SOX5: variants seen among roughly 807,000 people sequenced by gnomAD.
SOX5 encodes transcription factor SOX-5.
In SOX5, 9 loss-of-function variants were observed where a neutral mutation model predicts 92.0. The ratio of observed to expected loss-of-function variants is 0.10; its 90% confidence interval spans 0.06 to 0.17. The LOEUF (loss-of-function observed/expected upper bound fraction) is 0.17, where lower values mean the gene tolerates loss of function less well. Among genes scored for constraint, SOX5 ranks in the 10% least tolerant of loss-of-function variants. The probability of loss-of-function intolerance (pLI) is 1.00; values close to 1 mark genes in which losing one functional copy is unlikely to be tolerated. For missense variants in SOX5, 642 were observed against 944.5 expected (o/e 0.68, Z 4.20); for synonymous variants, 344 against 336.3 (o/e 1.02, Z -0.25).
chr12:23,849,777 T>A (rs1031720783), intron 2 of SOX5, among the ~76,000 whole-genome samples: 1 of 152,162 alleles, frequency 6.6e-6, no homozygotes, highest in Admixed American at 6.6e-5. Context: ...TGTCATATTT[T>A]TTAAAATAAA....
chr12:23,869,862 C>T (rs543775348), intron 2 of SOX5, among the ~76,000 whole-genome samples: 1 of 152,204 alleles, frequency 6.6e-6, no homozygotes, highest in East Asian at 1.9e-4. Flanking sequence ...CTGTAATACT[C>T]CCCACAATAT....
intron 2 of SOX5, among the ~76,000 whole-genome samples, chr12:23,852,936 G>T (rs1185081943): frequency 1.3e-5 from 2 of 151,916 alleles, no homozygotes; most frequent in East Asian, 3.9e-4. Context: ...AAGAGCTAAG[G>T]AGAGAAAAAG....
chr12:23,705,349 G>A (rs1045351596), intron 6 of SOX5, among the ~76,000 whole-genome samples: 7 of 152,034 alleles, frequency 4.6e-5, no homozygotes, highest in Admixed American at 2.0e-4. Flanking sequence ...TTTAAGGTCT[G>A]TGTGATCTAC....
At chr12:24,141,701 G>T (rs528536671) in intron 4 of SOX5, among the ~76,000 whole-genome samples, 1 of 132,804 alleles carries the variant, frequency 7.5e-6, no homozygotes, top group East Asian at 3.6e-4. Flanking sequence ...GCTATAAATT[G>T]GTTTATTATT....
At chr12:23,935,993 G>C (rs1942462216) in intron 1 of SOX5, among the ~76,000 whole-genome samples, 1 of 150,962 alleles carries the variant, frequency 6.6e-6, no homozygotes, top group East Asian at 1.9e-4. Context: ...AACTCTCTCT[G>C]TTTCATTTTC....
In SOX5 at chr12:23,622,315, G is replaced by GAA. The variant is rs58857226; in HGVS notation, c.1018-17784_1018-17783dup. Among the ~76,000 whole-genome samples, 164 of 149,104 alleles carry GAA rather than the reference G, an allele frequency of 1.1e-3. 1 individual carries two copies. The South Asian group carries it at 0.028, about 25-fold the overall frequency. On this transcript the variant is annotated intron_variant, in intron 8 of 14. Coordinates refer to ENST00000451604, the MANE Select transcript of SOX5 (RefSeq NM_006940.6). Reference sequence around the variant, plus strand: ...CTTAAGATTCCAGGCAATAAAAAGAGAAAAAAAAAAGTATTTTAAGGGCTA... The same window carrying GAA: ...CTTAAGATTCCAGGCAATAAAAAGAGAAAAAAAAAAAAGTATTTTAAGGGCTA...
intron 1 of SOX5, among the ~76,000 whole-genome samples, chr12:24,492,593 G>A (rs1024395387): frequency 2.0e-5 from 3 of 152,156 alleles, no homozygotes; most frequent in African/African-American, 7.2e-5. Flanking sequence ...ATCCCCTCAA[G>A]TATTAATAGA....
chr12:23,767,821 TCATA>T (rs1350821110), intron 3 of SOX5, among the ~76,000 whole-genome samples: 3 of 3,272 alleles, frequency 9.2e-4, no homozygotes, highest in East Asian at 0.011. Flanking sequence ...ATATCTTCAC[TCATA>T]TATATATATA....
chr12:23,909,634 T>A (rs1395516490), intron 1 of SOX5, among the ~76,000 whole-genome samples: 1 of 152,082 alleles, frequency 6.6e-6, no homozygotes, highest in Non-Finnish European at 1.5e-5. Context: ...CTCTACAGTT[T>A]CCCCCTTAGC....
chr12:24,405,197 A>G (rs1962641180), intron 1 of SOX5, among the ~76,000 whole-genome samples: 1 of 152,192 alleles, frequency 6.6e-6, no homozygotes, highest in Admixed American at 6.5e-5. Context: ...GTTTTCCTCA[A>G]ATGTCAAATC....
At chr12:23,874,836 C>T (rs1387327507) in intron 2 of SOX5, among the ~76,000 whole-genome samples, 2 of 152,208 alleles carry the variant, frequency 1.3e-5, no homozygotes, top group African/African-American at 4.8e-5. Flanking sequence ...CTACCTACAG[C>T]AAAGTCCTCG....
intron 4 of SOX5, among the ~76,000 whole-genome samples, chr12:24,140,363 G>A (rs1012940810): frequency 1.3e-5 from 2 of 152,104 alleles, no homozygotes; most frequent in Admixed American, 1.3e-4. Context: ...GATGAGTGAT[G>A]TGTTCTTATA....
At chr12:23,839,928 T>G (rs1468710230) in intron 3 of SOX5, among the ~76,000 whole-genome samples, 1 of 149,960 alleles carries the variant, frequency 6.7e-6, no homozygotes, top group African/African-American at 2.5e-5. Flanking sequence ...GGCAAGGATG[T>G]CTCCTCTTAC....
chr12:23,600,552 T>TATATATATATATATATATATATAC (rs745640453), intron 9 of SOX5, among the ~76,000 whole-genome samples: 15 of 95,268 alleles, frequency 1.6e-4, no homozygotes, highest in Non-Finnish European at 2.4e-4. Context: ...TATATATATA[T>TATATATATATATATATATATATAC]ACACATACTT....
intron 3 of SOX5, among the ~76,000 whole-genome samples, chr12:24,259,580 G>T (rs1941779953): frequency 6.6e-6 from 1 of 152,164 alleles, no homozygotes; most frequent in South Asian, 2.1e-4. Flanking sequence ...AATGGAATAT[G>T]ATCAATGAAA....
intron 2 of SOX5, among the ~76,000 whole-genome samples, chr12:23,889,632 T>A (rs1269288900): frequency 6.6e-6 from 1 of 152,196 alleles, no homozygotes; most frequent in Non-Finnish European, 1.5e-5. Flanking sequence ...GGATTTCATA[T>A]GGTGGAGGCT....
intron 2 of SOX5, among the ~76,000 whole-genome samples, chr12:24,284,145 T>G (rs578172390): frequency 6.6e-6 from 1 of 152,352 alleles, no homozygotes; most frequent in East Asian, 1.9e-4. Context: ...CTTTGGGGGA[T>G]TCAGAAAGTC....
chr12:23,750,860 T>G (rs1312827396), intron 4 of SOX5, among the ~76,000 whole-genome samples: 1 of 151,910 alleles, frequency 6.6e-6, no homozygotes, highest in Non-Finnish European at 1.5e-5. Context: ...TGACCTATCC[T>G]TTTCTTCTGA....
chr12:23,651,215 TAC>T (rs1408858404), intron 7 of SOX5, among the ~76,000 whole-genome samples: 5 of 152,018 alleles, frequency 3.3e-5, no homozygotes, highest in Non-Finnish European at 2.9e-5. Context: ...CATATACATA[TAC>T]ACATATATAC....
Sources: allele counts gnomAD v4.1 joint callset (sites outside exome capture counted in the v4.1 genomes callset), GRCh38; gene constraint gnomAD v4.1.1; transcripts MANE v1.5; gene names NCBI Gene and HGNC (gene_info 2026-07-23, HGNC 2026-07-21).